The following AADACL3 variants were observed in gnomAD, a reference collection of about 807,000 sequenced individuals.
AADACL3 encodes arylacetamide deacetylase like 3.
A neutral mutation model predicts 13.6 loss-of-function variants in AADACL3; 13 were observed. The observed-to-expected ratio is 0.95, with a 90% CI of 0.62 to 1.52. The LOEUF (loss-of-function observed/expected upper bound fraction) is 1.52, where lower values mean the gene tolerates loss of function less well. Among genes scored for constraint, AADACL3 ranks in the 40% most tolerant of loss-of-function variants. The pLI, the probability that AADACL3 is intolerant of heterozygous loss-of-function variation, is 0.00. For synonymous variants in AADACL3, 195 were observed against 197.0 expected, an observed-to-expected ratio of 0.99 and a Z score of 0.08; for missense variants, 519 against 499.2, an observed-to-expected ratio of 1.04 and a Z score of -0.38.
At chr1:12,724,318 T>C (rs1638324283) in intron 3 of AADACL3, among the ~76,000 whole-genome samples, 1 of 151,874 alleles carries the variant, frequency 6.6e-6, no homozygotes. Context: ...AACATACACA[T>C]CTTTGGGATG....
At chr1:12,717,878 G>A (rs1301426217) in intron 1 of AADACL3, among the ~76,000 whole-genome samples, 1 of 151,956 alleles carries the variant, frequency 6.6e-6, no homozygotes, top group African/African-American at 2.4e-5. Flanking sequence ...AACACAAGGG[G>A]GTCATGGATT....
At chr1:12,720,833 C>A in intron 2 of AADACL3, 50 bp from the exon 3 acceptor site, 1 of 1,525,184 alleles carries the variant, frequency 6.6e-7, no homozygotes, top group Non-Finnish European at 9.1e-7. Flanking sequence ...GTGACAATGG[C>A]TGGCAAAGGA....
Position 12,725,415 on chromosome 1 carries a change from A to C in AADACL3, c.643A>C (p.Ile215Leu). The C allele has an allele frequency of 6.2e-7, 1 of 1,614,046 alleles. No individual in the cohort carries two copies. The highest frequency in any genetic ancestry group is 8.5e-7 in the Non-Finnish European group (1 of 1,179,972). ...QLVDRPDLPR[I>L]RAQILIYAIL... ...TGTGGACAGGCCAGATCTGCCCCGG[A>C]TCCGGGCTCAGATCCTGATCTATGC... is the stretch of plus-strand genomic sequence containing the variant. The change falls in exon 4 of 4, where the codon ATC (isoleucine) becomes CTC (leucine). Residue 215 changes from isoleucine (I) to leucine (L), a missense_variant. Physicochemically the swap from Ile to Leu is conservative, Grantham distance 5 (BLOSUM62 2). Coordinates refer to ENST00000359318, the MANE Select transcript of AADACL3 (RefSeq NM_001103170.3).
chr1:12,724,718 T>C (rs963914565), intron 3 of AADACL3, among the ~76,000 whole-genome samples: 1 of 152,176 alleles, frequency 6.6e-6, no homozygotes, highest in Non-Finnish European at 1.5e-5. Context: ...ACTCTTGGAC[T>C]CAATGGATCG....
intron 3 of AADACL3, among the ~76,000 whole-genome samples, chr1:12,722,869 C>T (rs943015972): frequency 1.3e-5 from 2 of 151,912 alleles, no homozygotes; most frequent in Non-Finnish European, 2.9e-5. Flanking sequence ...TCAGCAATGT[C>T]GACAGGTTCT....
chr1:12,722,326 GAAAAAAAAAAA>G (rs564374343), intron 3 of AADACL3, among the ~76,000 whole-genome samples: 47 of 73,842 alleles, frequency 6.4e-4, no homozygotes, highest in African/African-American at 2.6e-3. Flanking sequence ...GATTCCGTCT[GAAAAAAAAAAA>G]AAAAAAAAAA....
Position 12,719,620 on chromosome 1 carries a change from A to G in AADACL3, c.314A>G (p.Lys105Arg). The G allele has an allele frequency of 6.2e-7, 1 of 1,614,104 alleles. No homozygotes were observed. Among genetic ancestry groups the G allele is most frequent in the Non-Finnish European group, 8.5e-7 (1 of 1,180,016 alleles). The change falls in exon 2 of 4, where the codon AAG becomes AGG. Residue 105 changes from lysine (K) to arginine (R), a missense_variant. Coordinates refer to ENST00000359318, the MANE Select transcript of AADACL3 (RefSeq NM_001103170.3). ...ATCCCTGTGAAGCTGTACCAACCCA[A>G]GGCATCCACCTGCACCCTGAAGCCT... is the stretch of plus-strand genomic sequence containing the variant. ...GTIPVKLYQP[K>R]ASTCTLKPGI...
intron 3 of AADACL3, among the ~76,000 whole-genome samples, chr1:12,722,617 G>A (rs1638285670): frequency 1.3e-5 from 2 of 151,982 alleles, no homozygotes; most frequent in African/African-American, 4.8e-5. Context: ...GGCCTGAAAT[G>A]GGGGTATGGA....
intron 1 of AADACL3, among the ~76,000 whole-genome samples, chr1:12,717,418 C>T (rs1430049610): frequency 1.3e-5 from 2 of 152,188 alleles, no homozygotes; most frequent in African/African-American, 4.8e-5. Context: ...TGTGGAGACT[C>T]CATGAATAAC....
intron 1 of AADACL3, among the ~76,000 whole-genome samples, chr1:12,717,736 A>T (rs1172108074): frequency 6.6e-6 from 1 of 152,224 alleles, no homozygotes; most frequent in Non-Finnish European, 1.5e-5. Context: ...TGCAAGGAGG[A>T]CAGCAAAACC....
In AADACL3 at chr1:12,725,568, G is replaced by A. The variant is rs1638351141; in HGVS notation, c.796G>A (p.Val266Ile). 1.2e-6 allele frequency: 2 copies of A among 1,613,938 alleles called. No individual in the cohort carries two copies. The highest frequency in any genetic ancestry group is 1.6e-4 in the Middle Eastern group (1 of 6,084). Residue 266 changes from valine to isoleucine, a missense_variant, in exon 4 of 4, where the codon GTC becomes ATC. Physicochemically the swap from Val to Ile is conservative, Grantham distance 29. Transcript: ENST00000359318. The part of the protein sequence containing the change: ...NLDFSSSWQE[V>I]IMKGAHLPAE... ...GGATTTCAGCTCCTCCTGGCAAGAGGTCATCATGAAAGGTGCCCATTTGCC... is the reference window on the plus strand; with the variant it reads ...GGATTTCAGCTCCTCCTGGCAAGAGATCATCATGAAAGGTGCCCATTTGCC...
chr1:12,719,514 C>T lies in AADACL3; in HGVS notation c.208C>T (p.Gln70Ter). ...GAAGCTCAGAATCTGTTCTATGCCC[C>T]AATTTTTCTGTTTCATGCAAGATCT... ...FEKLRICSMP[Q>*]FFCFMQDLPP... Residue 70 changes from glutamine (Q) to a stop codon, truncating the protein, a stop_gained, in exon 2 of 4, where the codon CAA becomes TAA. Coordinates refer to ENST00000359318, the MANE Select transcript of AADACL3 (RefSeq NM_001103170.3). LOFTEE classifies it high-confidence loss of function. The T allele has an allele frequency of 1.2e-6, 2 of 1,614,086 alleles. No homozygotes were observed. The highest frequency in any genetic ancestry group is 1.6e-4 in the Middle Eastern group (1 of 6,062).
Position 12,723,004 on chromosome 1 carries a change from A to T in AADACL3, c.449+2058A>T, listed in dbSNP as rs187345309. On this transcript the variant is annotated intron_variant, in intron 3 of 3. Coordinates refer to ENST00000359318, the MANE Select transcript of AADACL3 (RefSeq NM_001103170.3). The stretch of plus-strand genomic sequence containing the variant: ...AAAACACCAGCTAATTTATTTAAAA[A>T]TTTTTTAAAAATTTATTTTACTACT... Among the ~76,000 whole-genome samples, 43 of 152,190 alleles carry T rather than the reference A, an allele frequency of 2.8e-4. 1 individual carries two copies. The East Asian group carries it at 5.6e-3, about 20-fold the overall frequency.
Position 12,716,216 on chromosome 1 carries a change from G to A in AADACL3, c.40G>A (p.Val14Met), listed in dbSNP as rs1012944434. 7.4e-6 allele frequency: 9 copies of A among 1,219,076 alleles called. No homozygotes were observed. Among genetic ancestry groups the A allele is most frequent in the Admixed American group, 1.7e-5 (1 of 59,112 alleles). 75.5% of individuals were successfully genotyped at this position (1,219,076 alleles called of 1,614,324 possible). A position where few individuals can be genotyped will look rare whatever the true frequency, so the allele number is the denominator to read the frequency against. Residue 14 changes from valine to methionine, a missense_variant, in exon 1 of 4, where the codon GTG becomes ATG. Transcript: ENST00000359318. The part of the protein sequence containing the change: ...LALIFLAAAC[V>M]FSLGVTLWVI... ...CCTGATCTTCCTCGCAGCAGCCTGC[G>A]TGTTCTCACTAGGGGTCACTCTGTG...
At chr1:12,721,015 A>G in intron 3 of AADACL3, 69 bp downstream of exon 3, 2 of 341,322 alleles carry the variant, frequency 5.9e-6, no homozygotes, top group Non-Finnish European at 1.1e-5. Context: ...TGGGGTGAGA[A>G]GTAGAAATGG....
At position 12,716,817 on chromosome 1, in the gene AADACL3, C is replaced by T. The variant is rs911704443; in HGVS notation, c.168+473C>T. On this transcript the variant is annotated intron_variant, in intron 1 of 3. Coordinates refer to ENST00000359318, the MANE Select transcript of AADACL3 (RefSeq NM_001103170.3). ...AAGATATGAATGAATTTTCCTGAGT[C>T]TCTGGGCCCCCACTGCTATCTACCT... Among the ~76,000 whole-genome samples the T allele has an allele frequency of 1.2e-4, 18 of 152,198 alleles. 1 individual carries two copies. Among genetic ancestry groups the T allele is most frequent in the Admixed American group, 9.2e-4 (14 of 15,286 alleles).
rs117777493 is a variant in AADACL3, at chr1:12,716,736, C to T, written c.168+392C>T. Among the ~76,000 whole-genome samples, 293 of 152,222 alleles carry T rather than the reference C, an allele frequency of 1.9e-3. 7 individuals are homozygous for T. The South Asian group carries it at 0.055, about 29-fold the overall frequency. On this transcript the variant is annotated intron_variant, in intron 1 of 3. Transcript: ENST00000359318. ...TTCGCATTTTTAAGTGTACCTTTCA[C>T]GTGTCCATAAATGTGTCCATATTAT...
chr1:12,716,290 C>A lies in AADACL3; in HGVS notation c.114C>A (p.Gly38=). 6.2e-7 allele frequency: 1 copy of A among 1,613,796 alleles called. No individual in the cohort carries two copies. ...CTGTGCACATCCCTGCAGCGGTTGG[C>A]CACCCTGTGAAACTGAGAGTCCTCC... ...FFTVHIPAAV[G]HPVKLRVLHC... The change falls in exon 1 of 4, where the codon GGC becomes GGA. Residue 38 remains glycine (G), a synonymous_variant. Coordinates refer to ENST00000359318, the MANE Select transcript of AADACL3 (RefSeq NM_001103170.3).
chr1:12,723,815 C>T (rs1327263350), intron 3 of AADACL3, among the ~76,000 whole-genome samples: 2 of 145,254 alleles, frequency 1.4e-5, no homozygotes, highest in Non-Finnish European at 3.0e-5. Flanking sequence ...CAGAGTTTCA[C>T]TCTTGTTGCC....
Sources: allele counts gnomAD v4.1 joint callset (sites outside exome capture counted in the v4.1 genomes callset), GRCh38; gene constraint gnomAD v4.1.1; transcripts MANE v1.5; gene names NCBI Gene and HGNC (gene_info 2026-07-23, HGNC 2026-07-21).